Variants in ATP2B4 observed in about 807,000 individuals in gnomAD.
The protein encoded by ATP2B4 is plasma membrane calcium-transporting ATPase 4.
ATP2B4 carries 39 observed loss-of-function variants against 110.3 expected under a neutral mutation model. The observed-to-expected ratio is 0.35, with a 90% confidence interval of 0.27 to 0.46. The LOEUF (loss-of-function observed/expected upper bound fraction) is 0.46. Ranked by LOEUF, ATP2B4 falls within the 20% of genes least tolerant of loss-of-function variation. The pLI is 1.00. For missense variants in ATP2B4, 1,135 were observed against 1,530.9 expected (o/e 0.74, Z 4.32); for synonymous variants, 538 against 571.7 (o/e 0.94, Z 0.84).
At chr1:203,645,531 T>G (rs954236247) in intron 1 of ATP2B4, among the ~76,000 whole-genome samples, 5 of 152,098 alleles carry the variant, frequency 3.3e-5, no homozygotes, top group African/African-American at 1.2e-4. Context: ...CAGCTTTGCA[T>G]TTATCACAGT....
At chr1:203,627,642 G>T (rs1248522979) in intron 1 of ATP2B4, among the ~76,000 whole-genome samples, 3 of 146,814 alleles carry the variant, frequency 2.0e-5, no homozygotes, top group Non-Finnish European at 4.5e-5. Flanking sequence ...TTCCGTGTCT[G>T]TTCCCTTTCT....
At chr1:203,644,592 G>C (rs1663737130) in intron 1 of ATP2B4, among the ~76,000 whole-genome samples, 1 of 152,182 alleles carries the variant, frequency 6.6e-6, no homozygotes, top group Non-Finnish European at 1.5e-5. Flanking sequence ...CTTCTAGGAT[G>C]TTTCAACTCT....
At chr1:203,738,447 G>A (rs1381695727) in intron 20 of ATP2B4, among the ~76,000 whole-genome samples, 2 of 152,266 alleles carry the variant, frequency 1.3e-5, no homozygotes, top group East Asian at 1.9e-4. Flanking sequence ...TGAACTGACC[G>A]AATCCCTTCC....
At chr1:203,678,018 G>T (rs1405913704) in intron 1 of ATP2B4, among the ~76,000 whole-genome samples, 3 of 152,246 alleles carry the variant, frequency 2.0e-5, no homozygotes, top group Non-Finnish European at 4.4e-5. Flanking sequence ...CCAGAAGCCA[G>T]AGTTGACCAG....
At chr1:203,695,212 A>G (rs749957562) in intron 2 of ATP2B4, among the ~76,000 whole-genome samples, 1 of 152,212 alleles carries the variant, frequency 6.6e-6, no homozygotes, top group Non-Finnish European at 1.5e-5. Context: ...TTAACAAATT[A>G]CCAGCACTCC....
chr1:203,711,027 C>T lies in ATP2B4; in HGVS notation c.1950C>T (p.Pro650=), dbSNP rs199862514. The change falls in exon 12 of 21, where the codon CCC becomes CCT. Residue 650 remains proline (P), a synonymous_variant. Coordinates refer to ENST00000357681, the MANE Select transcript of ATP2B4 (RefSeq NM_001684.5). ...ACCGGGACTTCGATGACACAGAGCC[C>T]TCTTGGGACAATGAGAATGAGATCC... ...IAYRDFDDTE[P]SWDNENEILT... 46 of 1,614,022 alleles carry T rather than the reference C, an allele frequency of 2.9e-5. No homozygotes were observed. The highest frequency in any genetic ancestry group is 3.6e-5 in the Non-Finnish European group (42 of 1,180,022).
chr1:203,701,055 C>G, intron 6 of ATP2B4, 132 bp downstream of exon 6: 1 of 1,223,448 alleles, frequency 8.2e-7, no homozygotes, highest in Non-Finnish European at 1.1e-6. Flanking sequence ...TATCCAAACT[C>G]CTTGCTGAGA....
rs1185949577 is a variant in ATP2B4 at position 203,739,549 on chromosome 1, A to C, written c.3313A>C (p.Lys1105Gln). Residue 1105 changes from lysine (K) to glutamine (Q), a missense_variant, in exon 21 of 21, where the codon AAA becomes CAA. By Grantham distance (53) the Lys-to-Gln change is moderately conservative (BLOSUM62 1). This residue lies in a region of ATP2B4 where 61 missense variants were observed against 123.4 expected (regional missense o/e 0.49). Transcript: ENST00000357681. ...RGLNRIQTQI[K>Q]VVKAFHSSLH... The stretch of plus-strand genomic sequence containing the variant: ...CCTTTTCCTTCCCCTGGTATAGATC[A>C]AAGTGGTCAAAGCGTTCCATAGTTC... 2 of 1,613,038 alleles carry C rather than the reference A, an allele frequency of 1.2e-6. No individual in the cohort carries two copies. Among genetic ancestry groups the C allele is most frequent in the Non-Finnish European group, 8.5e-7 (1 of 1,179,374 alleles).
chr1:203,720,457 T>A, intron 15 of ATP2B4, 92 bp from the exon 16 acceptor site: 1 of 1,302,674 alleles, frequency 7.7e-7, no homozygotes, highest in East Asian at 2.5e-5. Flanking sequence ...CCCTGTAGTA[T>A]TTACACTGAC....
intron 1 of ATP2B4, among the ~76,000 whole-genome samples, chr1:203,663,296 A>G (rs2102334881): frequency 6.6e-6 from 1 of 152,136 alleles, no homozygotes; most frequent in South Asian, 2.1e-4. Context: ...TAAGGGAAAG[A>G]GCCTTCTTCC....
intron 1 of ATP2B4, among the ~76,000 whole-genome samples, chr1:203,659,004 A>G (rs1664253112): frequency 6.8e-6 from 1 of 147,666 alleles, no homozygotes; most frequent in Non-Finnish European, 1.5e-5. Flanking sequence ...ACTGCGTCTG[A>G]AAAAAAAAAA....
chr1:203,684,734 C>T (rs1665130110), intron 2 of ATP2B4, among the ~76,000 whole-genome samples: 1 of 152,098 alleles, frequency 6.6e-6, no homozygotes, highest in African/African-American at 2.4e-5. Flanking sequence ...TAACTGTACC[C>T]ATCATATCTT....
At chr1:203,704,570 T>C (rs936683360) in intron 8 of ATP2B4, among the ~76,000 whole-genome samples, 10 of 135,252 alleles carry the variant, frequency 7.4e-5, no homozygotes, top group African/African-American at 2.5e-4. Context: ...AGACTCTACC[T>C]CCTGGGTTCA....
At chr1:203,699,318 A>G in intron 3 of ATP2B4, 142 bp from the exon 4 acceptor site, 1 of 1,133,346 alleles carries the variant, frequency 8.8e-7, no homozygotes, top group Non-Finnish European at 1.2e-6. Flanking sequence ...ATCCTCTGAT[A>G]TCCTCTTCCA....
chr1:203,728,838 C>G (rs1310046737), intron 20 of ATP2B4, among the ~76,000 whole-genome samples: 1 of 147,056 alleles, frequency 6.8e-6, no homozygotes, highest in Non-Finnish European at 1.5e-5. Flanking sequence ...GCCTGGCCAA[C>G]GAGAGCTAAA....
chr1:203,731,980 C>A (rs187153914), intron 20 of ATP2B4, among the ~76,000 whole-genome samples: 132 of 151,110 alleles, frequency 8.7e-4, no homozygotes, highest in African/African-American at 3.1e-3. Flanking sequence ...AGATTGAGAC[C>A]ATCCTGGCTA....
intron 1 of ATP2B4, among the ~76,000 whole-genome samples, chr1:203,665,224 C>T (rs1664468257): frequency 6.6e-6 from 1 of 152,214 alleles, no homozygotes; most frequent in Non-Finnish European, 1.5e-5. Flanking sequence ...ACCTCCTTAC[C>T]TGGTGCCCAT....
chr1:203,724,808 G>T (rs778280636), intron 19 of ATP2B4, among the ~76,000 whole-genome samples: 1 of 150,846 alleles, frequency 6.6e-6, no homozygotes, highest in Non-Finnish European at 1.5e-5. Context: ...TAGCAGTATG[G>T]CCTGTGGTTC....
rs35993840 is a variant in ATP2B4 at position 203,728,742 on chromosome 1, A to G, written c.3309+1171A>G. ...CGTAGTGGCACATGCCTGTAATCCC[A>G]GCTACTCGGGAGGCTGAGGCAGAAG... On this transcript the variant is annotated intron_variant, in intron 20 of 20. Coordinates refer to ENST00000357681, the MANE Select transcript of ATP2B4 (RefSeq NM_001684.5). Among the ~76,000 whole-genome samples, 1,158 of 152,244 alleles carry G rather than the reference A, an allele frequency of 7.6e-3. 17 individuals are homozygous for G. Among genetic ancestry groups the G allele is most frequent in the African/African-American group, 0.026 (1,061 of 41,548 alleles).
Sources: gnomAD v4.1 joint callset for allele counts (sites outside exome capture counted in the v4.1 genomes callset) on GRCh38, gnomAD v4.1.1 for gene constraint, gnomAD v4.1.1 regional missense constraint, MANE v1.5 for transcripts, NCBI Gene and HGNC (gene_info 2026-07-23, HGNC 2026-07-21) for gene names.